Variants in PIAS2 observed in about 807,000 individuals in gnomAD.
PIAS2 encodes E3 SUMO-protein ligase PIAS2.
In PIAS2, 19 loss-of-function variants were observed where a neutral mutation model predicts 69.7. The observed-to-expected ratio is 0.27, with a 90% CI of 0.19 to 0.40. The LOEUF is 0.40. Among genes scored for constraint, PIAS2 ranks in the 10% least tolerant of loss-of-function variants. The pLI is 1.00. For synonymous variants in PIAS2, 261 were observed against 263.2 expected (o/e 0.99, Z 0.08); for missense variants, 624 against 757.0 (o/e 0.82, Z 2.06).
chr18:46,874,007 G>A (rs2050775062), intron 2 of PIAS2, among the ~76,000 whole-genome samples: 1 of 152,144 alleles, frequency 6.6e-6, no homozygotes, highest in African/African-American at 2.4e-5. Context: ...CTATCCAAAT[G>A]TCTCATGAGG....
At chr18:46,865,911 C>A (rs572858845) in intron 2 of PIAS2, among the ~76,000 whole-genome samples, 3 of 152,298 alleles carry the variant, frequency 2.0e-5, no homozygotes, top group African/African-American at 7.2e-5. Flanking sequence ...ACTCCTCAAC[C>A]CTTTTTTTCT....
chr18:46,883,108 A>T (rs538623645), intron 2 of PIAS2, among the ~76,000 whole-genome samples: 1 of 152,138 alleles, frequency 6.6e-6, no homozygotes, highest in African/African-American at 2.4e-5. Context: ...AAAAGAAAAA[A>T]AAAAAAACAA....
At chr18:46,908,792 T>C (rs543866295) in intron 1 of PIAS2, among the ~76,000 whole-genome samples, 9 of 152,306 alleles carry the variant, frequency 5.9e-5, no homozygotes, top group Non-Finnish European at 1.0e-4. Flanking sequence ...GCAGATCACC[T>C]GAGGTCAGGA....
chr18:46,829,142 A>G (rs1316033929), intron 10 of PIAS2, among the ~76,000 whole-genome samples: 5 of 152,226 alleles, frequency 3.3e-5, no homozygotes, highest in African/African-American at 1.2e-4. Context: ...AGATAAAAAG[A>G]AACTCTAAGT....
At chr18:46,878,429 A>G (rs1017965002) in intron 2 of PIAS2, among the ~76,000 whole-genome samples, 2 of 152,254 alleles carry the variant, frequency 1.3e-5, no homozygotes, top group African/African-American at 2.4e-5. Context: ...CTTTATCTTG[A>G]TAAGACATTT....
chr18:46,852,083 T>C (rs1055725089), intron 5 of PIAS2, among the ~76,000 whole-genome samples: 3 of 152,314 alleles, frequency 2.0e-5, no homozygotes, highest in Non-Finnish European at 4.4e-5. Flanking sequence ...ATAACTCCTA[T>C]AGGGCCACAG....
intron 1 of PIAS2, among the ~76,000 whole-genome samples, chr18:46,909,967 G>A (rs1022097508): frequency 6.6e-6 from 1 of 152,108 alleles, no homozygotes; most frequent in African/African-American, 2.4e-5. Flanking sequence ...AGGAGTTCAA[G>A]ACCAGCCTGG....
chr18:46,889,977 T>TA (rs1354956327), intron 2 of PIAS2, among the ~76,000 whole-genome samples: 19 of 152,216 alleles, frequency 1.2e-4, no homozygotes, highest in Non-Finnish European at 5.9e-5. Context: ...TATTTTTCTT[T>TA]AAAAATGTAT....
rs2040986293 is a variant in PIAS2 at position 46,811,297 on chromosome 18, C to G, written c.*1136G>C. On this transcript the variant is annotated 3_prime_UTR_variant, in exon 14 of 14. Coordinates refer to ENST00000585916, the MANE Select transcript of PIAS2 (RefSeq NM_004671.5). Reference sequence around the variant, plus strand: ...AAAAAAAATCTAATGCTGTCCCTTTCCCTAAGTTTGAAAATCACTGCTGAG... The same window carrying G: ...AAAAAAAATCTAATGCTGTCCCTTTGCCTAAGTTTGAAAATCACTGCTGAG... The G allele has an allele frequency of 6.6e-6, 1 of 151,882 alleles. No individual in the cohort carries two copies. Among genetic ancestry groups the G allele is most frequent in the South Asian group, 2.1e-4 (1 of 4,798 alleles). 9.4% of individuals were successfully genotyped at this position (151,882 alleles called of 1,614,324 possible).
rs2040653849 is a variant in PIAS2, at chr18:46,805,699, T to C, written c.*6734A>G. The C allele has an allele frequency of 6.6e-6, 1 of 152,238 alleles. No homozygotes were observed. The highest frequency in any genetic ancestry group is 6.5e-5 in the Admixed American group (1 of 15,268). The allele number at this position is 152,238 out of a possible 1,614,324, so 9.4% of individuals were successfully genotyped here. ...AAAATCAAAAGAAAAGGCTAAGATG[T>C]AGCCAAGTATGGCCTAGGAAGGGAT... On this transcript the variant is annotated 3_prime_UTR_variant, in exon 14 of 14. Transcript: ENST00000585916.
At chr18:46,860,941 G>T (rs1161503094) in intron 3 of PIAS2, among the ~76,000 whole-genome samples, 2 of 152,080 alleles carry the variant, frequency 1.3e-5, no homozygotes, top group African/African-American at 4.8e-5. Context: ...CACCACCACT[G>T]CACTCCAGCC....
intron 1 of PIAS2, among the ~76,000 whole-genome samples, chr18:46,913,168 A>C (rs758259608): frequency 2.2e-4 from 34 of 152,182 alleles, no homozygotes; most frequent in Non-Finnish European, 2.9e-4. Context: ...GAGCGTGATG[A>C]GGACCTCTAA....
At chr18:46,832,669 T>G (rs1026681406) in intron 9 of PIAS2, among the ~76,000 whole-genome samples, 30 of 152,000 alleles carry the variant, frequency 2.0e-4, no homozygotes, top group Non-Finnish European at 3.7e-4. Context: ...GGTGGGTGGA[T>G]CACCTGAGGT....
upstream of PIAS2, chr18:46,920,119 A>G: frequency 1.6e-6 from 2 of 1,288,312 alleles, no homozygotes; most frequent in Non-Finnish European, 2.0e-6. Flanking sequence ...AATGTGTAGC[A>G]GCTCCTGGAT....
At chr18:46,826,209 C>T (rs2042829045) in intron 11 of PIAS2, among the ~76,000 whole-genome samples, 1 of 152,168 alleles carries the variant, frequency 6.6e-6, no homozygotes, top group South Asian at 2.1e-4. Context: ...AATGAGGAAC[C>T]TTAACATTTA....
Position 46,829,791 on chromosome 18 carries a change from T to A in PIAS2, c.1279A>T (p.Met427Leu), listed in dbSNP as rs763376302. 1 of 1,613,408 alleles carries A rather than the reference T, an allele frequency of 6.2e-7. No homozygotes were observed. The highest frequency in any genetic ancestry group is 1.3e-5 in the African/African-American group (1 of 74,910). Residue 427 changes from methionine to leucine, a missense_variant, in exon 10 of 14, where the codon ATG becomes TTG. Met to Leu is a conservative substitution (Grantham distance 15). Transcript: ENST00000585916. ...KFQEDGSWCP[M>L]RPKKEAMKVS... ...TTCATAGCTTCTTTCTTCGGTCTCA[T>A]TGGACACCAAGAACCATCTTCTTGG...
rs550885572 is a variant in PIAS2, at chr18:46,884,461, C to T, written c.499+6119G>A. 1.3e-4 allele frequency among the ~76,000 whole-genome samples: 20 copies of T among 151,930 alleles called. No homozygotes were observed. The East Asian group carries it at 2.4e-3, about 18-fold the overall frequency. On this transcript the variant is annotated intron_variant, in intron 2 of 13. Transcript: ENST00000585916. Reference sequence around the variant, plus strand: ...CCGAGTAGCTGGGACTACAGGTGCCCGCCACCACGCCGGCTAATTTTTTGT... The same window carrying T: ...CCGAGTAGCTGGGACTACAGGTGCCTGCCACCACGCCGGCTAATTTTTTGT...
chr18:46,821,532 C>T (rs957910368), intron 11 of PIAS2, among the ~76,000 whole-genome samples: 1 of 152,100 alleles, frequency 6.6e-6, no homozygotes, highest in Non-Finnish European at 1.5e-5. Flanking sequence ...TCAAGTCTAA[C>T]TCGAATTGTA....
At chr18:46,848,266 G>T (rs1390815962) in intron 5 of PIAS2, among the ~76,000 whole-genome samples, 12 of 152,148 alleles carry the variant, frequency 7.9e-5, no homozygotes, top group Admixed American at 7.9e-4. Context: ...ATACAATCTG[G>T]ATCTTATGAG....
Sources: allele counts gnomAD v4.1 joint callset (sites outside exome capture counted in the v4.1 genomes callset), GRCh38; gene constraint gnomAD v4.1.1; transcripts MANE v1.5; gene names NCBI Gene and HGNC (gene_info 2026-07-23, HGNC 2026-07-21).